The following PHLPP2 variants were observed in gnomAD, a reference collection of about 807,000 sequenced individuals.
PHLPP2 encodes the protein PH domain leucine-rich repeat-containing protein phosphatase 2.
In PHLPP2, 66 loss-of-function variants were observed where a neutral mutation model predicts 124.9. The observed-to-expected ratio is 0.53, with a 90% confidence interval of 0.43 to 0.65. The LOEUF is 0.65. PHLPP2 is among the 30% of genes least tolerant of loss of function. The pLI is 0.00. For missense variants in PHLPP2, 1,685 were observed against 1,600.4 expected, an observed-to-expected ratio of 1.05 and a Z score of -0.90; for synonymous variants, 681 against 624.7, an observed-to-expected ratio of 1.09 and a Z score of -1.34.
intron 13 of PHLPP2, among the ~76,000 whole-genome samples, chr16:71,663,420 G>T (rs529944962): frequency 6.6e-6 from 1 of 152,240 alleles, no homozygotes; most frequent in Admixed American, 6.5e-5. Context: ...CAAACACCCT[G>T]CCTTTCTTAG....
At chr16:71,669,127 T>C (rs2044867102) in intron 11 of PHLPP2, 148 bp downstream of exon 11, 1 of 537,078 alleles carries the variant, frequency 1.9e-6, no homozygotes, top group Non-Finnish European at 3.3e-6. Flanking sequence ...CTTTACTATG[T>C]TCCTTACAGC....
chr16:71,714,104 T>C (rs574298143), intron 2 of PHLPP2, among the ~76,000 whole-genome samples: 1 of 152,036 alleles, frequency 6.6e-6, no homozygotes, highest in East Asian at 1.9e-4. Context: ...CATGCCTGGC[T>C]AATTTTTATA....
At chr16:71,664,751 AAAG>A (rs2044823827) in intron 12 of PHLPP2, among the ~76,000 whole-genome samples, 1 of 152,122 alleles carries the variant, frequency 6.6e-6, no homozygotes, top group African/African-American at 2.4e-5. Context: ...ACTCCATCTC[AAAG>A]AAGAAAAAAA....
chr16:71,656,774 G>C (rs1421951648), intron 15 of PHLPP2, 93 bp from the exon 16 acceptor site: 7 of 723,662 alleles, frequency 9.7e-6, no homozygotes, highest in Admixed American at 4.4e-5. Context: ...TTTTGAGATG[G>C]AGTCTCCCTC....
At chr16:71,707,403 C>T (rs946968579) in intron 2 of PHLPP2, among the ~76,000 whole-genome samples, 4 of 152,012 alleles carry the variant, frequency 2.6e-5, no homozygotes, top group Admixed American at 6.6e-5. Flanking sequence ...GATCACCCCC[C>T]AGTTTATGCT....
At chr16:71,655,856 A>G (rs1385120698) in intron 16 of PHLPP2, among the ~76,000 whole-genome samples, 1 of 152,196 alleles carries the variant, frequency 6.6e-6, no homozygotes, top group Non-Finnish European at 1.5e-5. Flanking sequence ...ATCGTAATCT[A>G]CACGTAAGAA....
rs374467279 is a variant in PHLPP2, at chr16:71,681,765, G to A, written c.876C>T (p.Leu292=). The change falls in exon 6 of 19, where the codon CTC becomes CTT. Residue 292 remains leucine (L), a synonymous_variant. Coordinates refer to ENST00000568954, the MANE Select transcript of PHLPP2 (RefSeq NM_015020.3). ...TCTCCACATACTTGTAGAGTGTATC[G>A]AGGCCTCCGGGTCTTTCTAACTGCA... is the stretch of plus-strand genomic sequence containing the variant. ...NFMQLERPGG[L]DTLYKFSQLK... 3.7e-6 allele frequency: 6 copies of A among 1,612,938 alleles called. No individual in the cohort carries two copies. Among genetic ancestry groups the A allele is most frequent in the Admixed American group, 1.7e-5 (1 of 59,848 alleles).
intron 18 of PHLPP2, 134 bp downstream of exon 18, chr16:71,652,656 T>C: frequency 1.6e-6 from 1 of 637,586 alleles, no homozygotes; most frequent in Non-Finnish European, 2.8e-6. Flanking sequence ...TGAAACCATC[T>C]GCATTGAACT....
chr16:71,689,317 C>T (rs2045084622), intron 4 of PHLPP2, among the ~76,000 whole-genome samples: 1 of 151,240 alleles, frequency 6.6e-6, no homozygotes, highest in African/African-American at 2.4e-5. Context: ...TGGGCTCAAG[C>T]CATCCTCCTC....
intron 17 of PHLPP2, 28 bp downstream of exon 17, chr16:71,655,212 T>A: frequency 6.7e-7 from 1 of 1,492,172 alleles, no homozygotes; most frequent in Non-Finnish European, 9.3e-7. Context: ...TAGAACTGAG[T>A]TAGGGATTTT....
At position 71,679,443 on chromosome 16, in the gene PHLPP2, T is replaced by A; in HGVS notation, c.983A>T (p.Asn328Ile). 7 of 1,613,938 alleles carry A rather than the reference T, an allele frequency of 4.3e-6. No homozygotes were observed. Among genetic ancestry groups the A allele is most frequent in the Non-Finnish European group, 5.9e-6 (7 of 1,179,830 alleles). Residue 328 changes from asparagine to isoleucine, a missense_variant, in exon 7 of 19, where the codon AAC (asparagine) becomes ATC (isoleucine). Coordinates refer to ENST00000568954, the MANE Select transcript of PHLPP2 (RefSeq NM_015020.3). ...GTCATGAAATCCATTACAGGAAAGGTTGAGCTCAGTCAGGGTAGAGATCTC... is the reference window on the plus strand; with the variant it reads ...GTCATGAAATCCATTACAGGAAAGGATGAGCTCAGTCAGGGTAGAGATCTC... Reference protein sequence around the residue: ...LCEISTLTELNLSCNGFHDLP... With the variant: ...LCEISTLTELILSCNGFHDLP...
At position 71,662,678 on chromosome 16, in the gene PHLPP2, ATAT is replaced by A. The variant is rs1740235196; in HGVS notation, c.1985+1218_1985+1220del. Among the ~76,000 whole-genome samples, 5 of 152,268 alleles carry A rather than the reference ATAT, an allele frequency of 3.3e-5. No individual in the cohort carries two copies. In the South Asian group the frequency reaches 1.0e-3, roughly 32 times the overall value. On this transcript the variant is annotated intron_variant, in intron 13 of 18. Coordinates refer to ENST00000568954, the MANE Select transcript of PHLPP2 (RefSeq NM_015020.3). ...TGCCTCACATTCTTAGTTTTTGAAA[ATAT>A]TATTTTTAATGACTACCTTCATGGC...
chr16:71,658,774 C>G lies in PHLPP2; in HGVS notation c.2027G>C (p.Ser676Thr), dbSNP rs778411691. 2 of 1,614,144 alleles carry G rather than the reference C, an allele frequency of 1.2e-6. No homozygotes were observed. Among genetic ancestry groups the G allele is most frequent in the Admixed American group, 3.3e-5 (2 of 60,018 alleles). ...KLEQLEELNL[S>T]GNKLKTIPTT... ...GGGAATGGTTTTAAGCTTGTTGCCA[C>G]TTAGGTTCAGTTCCTCCAATTGCTC... The change falls in exon 14 of 19, where the codon AGT becomes ACT. Residue 676 changes from serine to threonine, a missense_variant. Ser to Thr is a moderately conservative substitution (Grantham distance 58, BLOSUM62 1). Transcript: ENST00000568954.
chr16:71,690,844 C>T (rs755531864), intron 3 of PHLPP2, 135 bp from the exon 4 acceptor site: 7 of 640,410 alleles, frequency 1.1e-5, no homozygotes, highest in Admixed American at 3.1e-5. Flanking sequence ...ATAGTTAAGA[C>T]AAAATTAGAT....
intron 1 of PHLPP2, among the ~76,000 whole-genome samples, chr16:71,721,581 T>C (rs1053382125): frequency 6.6e-6 from 1 of 152,168 alleles, no homozygotes; most frequent in Middle Eastern, 3.4e-3. Context: ...GGCTACACAA[T>C]GAAGCTATGT....
At chr16:71,660,372 CAAAA>C (rs1158155665) in intron 13 of PHLPP2, among the ~76,000 whole-genome samples, 1 of 27,002 alleles carries the variant, frequency 3.7e-5, no homozygotes, top group African/African-American at 1.4e-4. Flanking sequence ...GACCTTGTCT[CAAAA>C]AAAAAAAAAA....
chr16:71,723,708 C>T, intron 1 of PHLPP2: 3 of 805,648 alleles, frequency 3.7e-6, no homozygotes, highest in African/African-American at 1.8e-5. Flanking sequence ...CCCTCGTTCC[C>T]TCCCTAGTCC....
chr16:71,698,866 C>G (rs540791362), intron 3 of PHLPP2, among the ~76,000 whole-genome samples: 93 of 152,290 alleles, frequency 6.1e-4, no homozygotes, highest in African/African-American at 2.2e-3. Flanking sequence ...TGATAACTGG[C>G]ATTTGCATAA....
chr16:71,688,514 G>A (rs986293558), intron 4 of PHLPP2, among the ~76,000 whole-genome samples: 16 of 150,108 alleles, frequency 1.1e-4, no homozygotes, highest in Non-Finnish European at 1.9e-4. Flanking sequence ...TTTTCAAGAC[G>A]TTTGCTCATT....
Sources: allele counts gnomAD v4.1 joint callset (sites outside exome capture counted in the v4.1 genomes callset), GRCh38; gene constraint gnomAD v4.1.1; transcripts MANE v1.5; gene names NCBI Gene and HGNC (gene_info 2026-07-23, HGNC 2026-07-21).